KIF26A: variants seen among roughly 807,000 people sequenced by gnomAD.
KIF26A encodes the protein kinesin family member 26A.
In KIF26A, 74 loss-of-function variants were observed where a neutral mutation model predicts 126.0. That is an observed-to-expected ratio of 0.59 (90% CI 0.49 to 0.71). The LOEUF (loss-of-function observed/expected upper bound fraction) is 0.71, where lower values mean the gene tolerates loss of function less well. KIF26A is among the 30% of genes least tolerant of loss of function. The pLI is 0.00. For missense variants in KIF26A, 2,984 were observed against 2,763.3 expected (o/e 1.08, Z -1.79); for synonymous variants, 1,445 against 1,232.7 (o/e 1.17, Z -3.61).
At chr14:104,166,054 C>A (rs576413880) in intron 4 of KIF26A, among the ~76,000 whole-genome samples, 86 of 151,930 alleles carry the variant, frequency 5.7e-4, no homozygotes, top group African/African-American at 2.0e-3. Flanking sequence ...GAATCCCCCA[C>A]CCCTGGCGGT....
rs1409813620 is a variant in KIF26A, at chr14:104,152,680, AC to A, written c.735+221del. Among the ~76,000 whole-genome samples the A allele has an allele frequency of 6.6e-6, 1 of 152,070 alleles. No individual in the cohort carries two copies. The highest frequency in any genetic ancestry group is 6.5e-5 in the Admixed American group (1 of 15,274). On this transcript the variant is annotated intron_variant, in intron 3 of 14. Coordinates refer to ENST00000423312, the MANE Select transcript of KIF26A (RefSeq NM_015656.2). This position sits in a 1 kb window ranked among gnomAD's most constrained non-coding sequence, Gnocchi z 5.9. ...CAGGTCCCTGCCTGACTCAGGGAATACCTTCTCTGGGAGCACGTGCCCCTCC... is the reference window on the plus strand; with the variant it reads ...CAGGTCCCTGCCTGACTCAGGGAATACTTCTCTGGGAGCACGTGCCCCTCC...
Position 104,178,667 on chromosome 14 carries a change from A to G in KIF26A, c.5228A>G (p.Lys1743Arg), listed in dbSNP as rs1414860291. 1.0e-5 allele frequency: 16 copies of G among 1,558,396 alleles called. No homozygotes were observed. In the Admixed American group the frequency reaches 1.7e-4, roughly 17 times the overall value. Reference protein sequence around the residue: ...DLPPPLAGSLKEPFEIKVYEI... With the variant: ...DLPPPLAGSLREPFEIKVYEI... ...CCCCCGCCCCTGGCTGGCTCCCTGA[A>G]GGAGCCGTTCGAGATCAAGGTGTAC... Residue 1743 changes from lysine (K) to arginine (R), a missense_variant, in exon 13 of 15, where the codon AAG (lysine) becomes AGG (arginine). Transcript: ENST00000423312.
rs758786139 is a variant in KIF26A, at chr14:104,173,380, C to G, written c.1734C>G (p.Phe578Leu). 1.3e-5 allele frequency: 20 copies of G among 1,592,730 alleles called. No homozygotes were observed. In the East Asian group the frequency reaches 2.1e-4, roughly 16 times the overall value. ...LRAPTAEKAA[F>L]YLDAALAARS... is the part of the protein sequence containing the mutation. Reference sequence around the variant, plus strand: ...CACCCACGGCCGAGAAGGCGGCTTTCTACCTGGATGCGGCCCTGGCGGCCC... The same window carrying G: ...CACCCACGGCCGAGAAGGCGGCTTTGTACCTGGATGCGGCCCTGGCGGCCC... Residue 578 changes from phenylalanine to leucine, a missense_variant, in exon 9 of 15, where the codon TTC becomes TTG. Phe to Leu is a conservative substitution (Grantham distance 22). Transcript: ENST00000423312.
intron 2 of KIF26A, among the ~76,000 whole-genome samples, chr14:104,147,052 G>A (rs568143154): frequency 3.9e-5 from 6 of 152,218 alleles, no homozygotes; most frequent in African/African-American, 1.2e-4. Flanking sequence ...CCGAGTCCAC[G>A]GGGCCCCTTG....
At chr14:104,173,947 G>T in intron 10 of KIF26A, 79 bp downstream of exon 10, 3 of 1,479,790 alleles carry the variant, frequency 2.0e-6, no homozygotes, top group Non-Finnish European at 2.7e-6. Context: ...TGTGCCCGGT[G>T]CTGCTGTGGC....
intron 4 of KIF26A, among the ~76,000 whole-genome samples, chr14:104,166,280 G>A (rs2037901328): frequency 6.6e-6 from 1 of 152,140 alleles, no homozygotes; most frequent in Non-Finnish European, 1.5e-5. Flanking sequence ...CTTGGGGTGT[G>A]GTAATCTCGA....
intron 4 of KIF26A, among the ~76,000 whole-genome samples, chr14:104,159,682 A>G (rs2037815636): frequency 6.6e-6 from 1 of 152,166 alleles, no homozygotes; most frequent in Non-Finnish European, 1.5e-5. Context: ...GCCGGCTGCC[A>G]TTACTTCCAG....
At chr14:104,155,794 G>A (rs957735853) in intron 3 of KIF26A, among the ~76,000 whole-genome samples, 3 of 152,268 alleles carry the variant, frequency 2.0e-5, no homozygotes, top group East Asian at 1.9e-4. Context: ...TGCTGGGCGG[G>A]GCCGGAACCT....
At chr14:104,154,902 T>C (rs1278199224) in intron 3 of KIF26A, among the ~76,000 whole-genome samples, 4 of 152,140 alleles carry the variant, frequency 2.6e-5, no homozygotes, top group Non-Finnish European at 5.9e-5. Flanking sequence ...GCTTGGGGGC[T>C]CCTGCCACCG....
chr14:104,155,251 A>T (rs1293109634), intron 3 of KIF26A, among the ~76,000 whole-genome samples: 1 of 152,170 alleles, frequency 6.6e-6, no homozygotes, highest in Non-Finnish European at 1.5e-5. Context: ...CACGGGCCAG[A>T]ACCTTACAGA....
intron 7 of KIF26A, 53 bp downstream of exon 7, chr14:104,172,721 C>A: frequency 7.3e-7 from 1 of 1,378,450 alleles, no homozygotes; most frequent in Non-Finnish European, 1.0e-6. Flanking sequence ...CCCCTCCCAT[C>A]CTCATCACGG....
At position 104,178,675 on chromosome 14, in the gene KIF26A, T is replaced by TTCGAGA; in HGVS notation, c.5239_5244dup (p.Glu1747_Ile1748dup). The TTCGAGA allele has an allele frequency of 6.4e-7, 1 of 1,561,224 alleles. No individual in the cohort carries two copies. The highest frequency in any genetic ancestry group is 8.7e-7 in the Non-Finnish European group (1 of 1,153,444). On this transcript the variant is annotated inframe_insertion, in exon 13 of 15. Transcript: ENST00000423312. ...CCTGGCTGGCTCCCTGAAGGAGCCG[T>TTCGAGA]TCGAGATCAAGGTGTACGAGATCGA...
rs1274274925 is a variant in KIF26A at position 104,175,297 on chromosome 14, C to A, written c.2509C>A (p.Arg837Ser). The change falls in exon 12 of 15, where the codon CGC becomes AGC. Residue 837 changes from arginine (R) to serine (S), a missense_variant. Physicochemically the swap from Arg to Ser is moderately radical, Grantham distance 110 (BLOSUM62 -1). Coordinates refer to ENST00000423312, the MANE Select transcript of KIF26A (RefSeq NM_015656.2). The stretch of plus-strand genomic sequence containing the variant: ...GGGTCCCCGAGACGCAGACCACTTC[C>A]GCTGCAGCACCTTCGCGGAGCTGCA... Reference protein sequence around the residue: ...SKGPRDADHFRCSTFAELQER... With the variant: ...SKGPRDADHFSCSTFAELQER... 1 of 1,604,980 alleles carries A rather than the reference C, an allele frequency of 6.2e-7. No individual in the cohort carries two copies. The highest frequency in any genetic ancestry group is 8.5e-7 in the Non-Finnish European group (1 of 1,179,578).
Position 104,179,707 on chromosome 14 carries a change from G to A in KIF26A, c.5566G>A (p.Ala1856Thr). 1.3e-6 allele frequency: 2 copies of A among 1,550,964 alleles called. No individual in the cohort carries two copies. The highest frequency in any genetic ancestry group is 1.7e-6 in the Non-Finnish European group (2 of 1,147,492). Residue 1856 changes from alanine to threonine, a missense_variant, in exon 15 of 15, where the codon GCG becomes ACG. Coordinates refer to ENST00000423312, the MANE Select transcript of KIF26A (RefSeq NM_015656.2). ...ALEQCVNLCK[A>T]HVMMVTCFDI... is the part of the protein sequence containing the mutation. ...GGAGCAGTGCGTGAACCTGTGCAAG[G>A]CGCACGTCATGATGGTCACCTGCTT...
In KIF26A at chr14:104,177,717, C is replaced by G; in HGVS notation, c.4929C>G (p.Pro1643=). 6.5e-7 allele frequency: 1 copy of G among 1,535,086 alleles called. No homozygotes were observed. The highest frequency in any genetic ancestry group is 8.7e-7 in the Non-Finnish European group (1 of 1,146,330). The change falls in exon 12 of 15, where the codon CCC becomes CCG. Residue 1643 remains proline, a synonymous_variant. Coordinates refer to ENST00000423312, the MANE Select transcript of KIF26A (RefSeq NM_015656.2). ...GCGTGCTGAGTGGAGAGCTGCCGCC[C>G]GCCATGGGCCGCACCGCCCTTTTCC... ...NSSVLSGELP[P]AMGRTALFHH...
intron 3 of KIF26A, among the ~76,000 whole-genome samples, chr14:104,154,596 C>T (rs2037759737): frequency 6.6e-6 from 1 of 152,230 alleles, no homozygotes; most frequent in Non-Finnish European, 1.5e-5. Flanking sequence ...TGTGCCTGTG[C>T]CCCACGCCTC....
In KIF26A at chr14:104,152,551, G is replaced by C; in HGVS notation, c.735+90G>C. On this transcript the variant is annotated intron_variant, in intron 3 of 14. Transcript: ENST00000423312. This position sits in a 1 kb window ranked among gnomAD's most constrained non-coding sequence, Gnocchi z 5.9. The stretch of plus-strand genomic sequence containing the variant: ...GGTCTCTGTCCACGTTGAGTGCCCT[G>C]CAGTAAGGCTTCCCTGAAGGGAGGG... 1 of 1,271,194 alleles carries C rather than the reference G, an allele frequency of 7.9e-7. No homozygotes were observed. The highest frequency in any genetic ancestry group is 1.1e-6 in the Non-Finnish European group (1 of 943,902). The allele number at this position is 1,271,194 out of a possible 1,614,324, so 78.7% of individuals were successfully genotyped here.
chr14:104,165,663 C>G (rs554707264), intron 4 of KIF26A, among the ~76,000 whole-genome samples: 68 of 133,704 alleles, frequency 5.1e-4, no homozygotes, highest in Admixed American at 1.3e-3. Context: ...GTGTGTGTAT[C>G]TGTGTTTCTG....
rs1249614662 is a variant in KIF26A at position 104,177,434 on chromosome 14, G to A, written c.4646G>A (p.Gly1549Asp). 6.6e-6 allele frequency: 10 copies of A among 1,518,446 alleles called. No homozygotes were observed. Among genetic ancestry groups the A allele is most frequent in the Non-Finnish European group, 7.0e-6 (8 of 1,136,912 alleles). 94.1% of individuals were successfully genotyped at this position (1,518,446 alleles called of 1,614,324 possible). ...RAGPSVGAKA[G>D]RGTVMGTKQA... The stretch of plus-strand genomic sequence containing the variant: ...GGGCCCAGTGTCGGGGCGAAGGCTG[G>A]CCGGGGTACCGTCATGGGCACAAAG... Residue 1549 changes from glycine (G) to aspartate (D), a missense_variant, in exon 12 of 15, where the codon GGC (glycine) becomes GAC (aspartate). Physicochemically the swap from Gly to Asp is moderately conservative, Grantham distance 94. Coordinates refer to ENST00000423312, the MANE Select transcript of KIF26A (RefSeq NM_015656.2).
Sources: allele counts gnomAD v4.1 joint callset (sites outside exome capture counted in the v4.1 genomes callset), GRCh38; gene constraint gnomAD v4.1.1; non-coding constraint Gnocchi (gnomAD v3.1); transcripts MANE v1.5; gene names NCBI Gene and HGNC (gene_info 2026-07-23, HGNC 2026-07-21).